Variants in MAP3K7 observed in about 807,000 individuals in gnomAD.
MAP3K7 encodes mitogen-activated protein kinase kinase kinase 7.
A neutral mutation model predicts 84.8 loss-of-function variants in MAP3K7; 21 were observed. The ratio of observed to expected loss-of-function variants is 0.25; its 90% confidence interval spans 0.18 to 0.36. The LOEUF (loss-of-function observed/expected upper bound fraction) is 0.36. MAP3K7 is among the 10% of genes least tolerant of loss of function. The pLI is 1.00. For synonymous variants in MAP3K7, 241 were observed against 247.7 expected (o/e 0.97, Z 0.25); for missense variants, 503 against 747.7 (o/e 0.67, Z 3.82).
intron 13 of MAP3K7, among the ~76,000 whole-genome samples, chr6:90,530,994 T>C (rs1775489713): frequency 6.6e-6 from 1 of 152,188 alleles, no homozygotes; most frequent in Non-Finnish European, 1.5e-5. Context: ...CCCACATTAA[T>C]TGCAAAGTTT....
intron 11 of MAP3K7, among the ~76,000 whole-genome samples, chr6:90,545,876 A>G (rs147819905): frequency 6.6e-6 from 1 of 152,268 alleles, no homozygotes; most frequent in East Asian, 1.9e-4. Flanking sequence ...TTGTTAAGAG[A>G]GGCATCTGGG....
intron 8 of MAP3K7, 58 bp downstream of exon 8, chr6:90,551,991 A>C (rs1776192992): frequency 6.5e-7 from 1 of 1,527,874 alleles, no homozygotes. Flanking sequence ...AATTCCATTA[A>C]AACTCAGCAC....
At chr6:90,544,892 A>G (rs1769857658) in intron 11 of MAP3K7, among the ~76,000 whole-genome samples, 1 of 152,072 alleles carries the variant, frequency 6.6e-6, no homozygotes, top group African/African-American at 2.4e-5. Context: ...ACAAAGCTGC[A>G]GGGTAATGAG....
At chr6:90,532,695 GT>G (rs1775546779) in intron 13 of MAP3K7, among the ~76,000 whole-genome samples, 1 of 151,774 alleles carries the variant, frequency 6.6e-6, no homozygotes, top group Non-Finnish European at 1.5e-5. Context: ...AATGTATATT[GT>G]TTTAGTGAAA....
At chr6:90,566,810 C>G (rs1482900362) in intron 3 of MAP3K7, among the ~76,000 whole-genome samples, 1 of 152,300 alleles carries the variant, frequency 6.6e-6, no homozygotes, top group African/African-American at 2.4e-5. Context: ...TGACTTCAAA[C>G]TATACTACAA....
intron 1 of MAP3K7, among the ~76,000 whole-genome samples, chr6:90,574,879 A>G (rs1419649411): frequency 6.6e-6 from 1 of 152,190 alleles, no homozygotes; most frequent in Non-Finnish European, 1.5e-5. Context: ...CCTGAAATAC[A>G]AAACAGGCAC....
intron 12 of MAP3K7, among the ~76,000 whole-genome samples, chr6:90,539,761 C>T (rs1465254302): frequency 2.6e-5 from 4 of 151,612 alleles, no homozygotes; most frequent in Non-Finnish European, 5.9e-5. Context: ...TCTATAAAGC[C>T]CTCCCCACCT....
chr6:90,567,559 A>G (rs1395899549), intron 3 of MAP3K7, among the ~76,000 whole-genome samples: 1 of 152,198 alleles, frequency 6.6e-6, no homozygotes, highest in Non-Finnish European at 1.5e-5. Context: ...AAAAGTCAGG[A>G]AACAACAGGT....
intron 13 of MAP3K7, among the ~76,000 whole-genome samples, chr6:90,527,822 A>T (rs940663681): frequency 3.3e-5 from 5 of 152,066 alleles, no homozygotes; most frequent in African/African-American, 4.8e-5. Flanking sequence ...TCATATATTA[A>T]AGCCTTTCAA....
rs567494831 is a variant in MAP3K7, at chr6:90,519,263, G to A, written c.1519C>T (p.Leu507=). 2.6e-5 allele frequency: 41 copies of A among 1,589,566 alleles called. No individual in the cohort carries two copies. In the South Asian group the frequency reaches 4.7e-4, roughly 18 times the overall value. Reference sequence around the variant, plus strand: ...ATAAGAAAGTACTCCTTTACCTGTAGTTGGTGATCCAGTGTAAGATAAGCC... The same window carrying A: ...ATAAGAAAGTACTCCTTTACCTGTAATTGGTGATCCAGTGTAAGATAAGCC... ...PMAYLTLDHQ[L]QPLAPCPNSK... is the part of the protein sequence containing the mutation. Residue 507 remains leucine, a synonymous_variant, in exon 15 of 17, where the codon CTA becomes TTA. Transcript: ENST00000369329.
At position 90,587,063 on chromosome 6, in the gene MAP3K7, G is replaced by T; in HGVS notation, c.-180C>A. 1.5e-6 allele frequency: 1 copy of T among 667,418 alleles called. No homozygotes were observed. Among genetic ancestry groups the T allele is most frequent in the Non-Finnish European group, 2.2e-6 (1 of 444,616 alleles). 41.3% of individuals were successfully genotyped at this position (667,418 alleles called of 1,614,324 possible). A position where few individuals can be genotyped will look rare whatever the true frequency, so the allele number is the denominator to read the frequency against. On this transcript the variant is annotated 5_prime_UTR_variant, in exon 1 of 17. Coordinates refer to ENST00000369329, the MANE Select transcript of MAP3K7 (RefSeq NM_145331.3). ...CCGTGTCCGGCTCTGGCTCCGCTGC[G>T]TTTTCCGCCGACGGGCCCCGCCCAC... is the stretch of plus-strand genomic sequence containing the variant.
intron 14 of MAP3K7, among the ~76,000 whole-genome samples, chr6:90,521,142 A>G (rs973901657): frequency 2.0e-5 from 3 of 152,016 alleles, no homozygotes; most frequent in African/African-American, 7.2e-5. Flanking sequence ...TCTTCTCTCT[A>G]AAAAAAGAAG....
At chr6:90,526,024 C>A (rs937174369) in intron 13 of MAP3K7, among the ~76,000 whole-genome samples, 5 of 152,020 alleles carry the variant, frequency 3.3e-5, no homozygotes, top group Non-Finnish European at 5.9e-5. Flanking sequence ...AATTTTTAAA[C>A]TTTTTGTAGA....
At chr6:90,578,275 TTTTG>T (rs1368436084) in intron 1 of MAP3K7, among the ~76,000 whole-genome samples, 5 of 152,226 alleles carry the variant, frequency 3.3e-5, no homozygotes, top group East Asian at 3.9e-4. Context: ...TTTTGTTTTG[TTTTG>T]TTTGTTTTTT....
intron 3 of MAP3K7, among the ~76,000 whole-genome samples, chr6:90,566,905 A>G (rs1036227775): frequency 1.3e-5 from 2 of 152,012 alleles, no homozygotes; most frequent in African/African-American, 2.4e-5. Flanking sequence ...CAGAAATAAT[A>G]CCATACATCT....
Position 90,587,007 on chromosome 6 carries a change from T to C in MAP3K7, c.-124A>G. 8.3e-7 allele frequency: 1 copy of C among 1,198,314 alleles called. No individual in the cohort carries two copies. Among genetic ancestry groups the C allele is most frequent in the East Asian group, 3.2e-5 (1 of 31,604 alleles). 74.2% of individuals were successfully genotyped at this position (1,198,314 alleles called of 1,614,324 possible). Reference sequence around the variant, plus strand: ...GCCGCGCAGTCCTACTACCCGGCGATCCGTGGCGGGGGTAGAGGCAGCGGC... The same window carrying C: ...GCCGCGCAGTCCTACTACCCGGCGACCCGTGGCGGGGGTAGAGGCAGCGGC... On this transcript the variant is annotated 5_prime_UTR_variant, in exon 1 of 17. Transcript: ENST00000369329.
intron 3 of MAP3K7, among the ~76,000 whole-genome samples, chr6:90,562,453 TGCCCAC>T (rs1776554673): frequency 6.6e-6 from 1 of 152,182 alleles, no homozygotes; most frequent in Non-Finnish European, 1.5e-5. Context: ...GAGGGTCCCA[TGCCCAC>T]GGTGCCTCAC....
At chr6:90,573,081 G>C (rs1277095995) in intron 1 of MAP3K7, among the ~76,000 whole-genome samples, 2 of 152,172 alleles carry the variant, frequency 1.3e-5, no homozygotes, top group Non-Finnish European at 2.9e-5. Context: ...CACAGGCCTA[G>C]AGGAAGGTAC....
chr6:90,574,320 G>C (rs74900684), intron 1 of MAP3K7, among the ~76,000 whole-genome samples: 1 of 152,144 alleles, frequency 6.6e-6, no homozygotes, highest in East Asian at 1.9e-4. Flanking sequence ...TGTTGCCCAG[G>C]TTGGTCCTGA....
Sources: allele counts gnomAD v4.1 joint callset (sites outside exome capture counted in the v4.1 genomes callset), GRCh38; gene constraint gnomAD v4.1.1; transcripts MANE v1.5; gene names NCBI Gene and HGNC (gene_info 2026-07-23, HGNC 2026-07-21).